The following LRP12 variants were observed in gnomAD, a reference collection of about 807,000 sequenced individuals.
LRP12 encodes the protein LDL receptor related protein 12, also known as low-density lipoprotein receptor-related protein 12.
LRP12 carries 14 observed loss-of-function variants against 66.0 expected under a neutral mutation model. The ratio of observed to expected loss-of-function variants is 0.21; its 90% CI spans 0.14 to 0.33. The LOEUF (loss-of-function observed/expected upper bound fraction) is 0.33. LRP12 is among the 10% of genes least tolerant of loss of function. The pLI is 1.00. For missense variants in LRP12, 889 were observed against 1,053.4 expected (o/e 0.84, Z 2.16); for synonymous variants, 357 against 359.1 (o/e 0.99, Z 0.07).
chr8:104,504,436 A>T (rs966089313), intron 3 of LRP12: 1 of 152,266 alleles, frequency 6.6e-6, no homozygotes, highest in South Asian at 2.1e-4. Flanking sequence ...AAATCAATGC[A>T]TTAAAGTTGT....
chr8:104,585,837 G>C (rs967980366), intron 1 of LRP12, among the ~76,000 whole-genome samples: 1 of 152,194 alleles, frequency 6.6e-6, no homozygotes, highest in African/African-American at 2.4e-5. Flanking sequence ...GGAACTGTCA[G>C]AATTACCAAA....
chr8:104,500,430 G>A (rs1442777540), intron 3 of LRP12, among the ~76,000 whole-genome samples: 6 of 152,268 alleles, frequency 3.9e-5, no homozygotes, highest in South Asian at 2.1e-4. Flanking sequence ...ACTCCTGGCC[G>A]GGCATGGTGG....
At chr8:104,499,253 C>T in intron 4 of LRP12, 64 bp downstream of exon 4, 6 of 1,272,234 alleles carry the variant, frequency 4.7e-6, no homozygotes, top group South Asian at 1.4e-5. Context: ...AGATTAGCTC[C>T]GAAGTGACAG....
chr8:104,583,567 T>C (rs1564150936), intron 1 of LRP12, among the ~76,000 whole-genome samples: 1 of 152,186 alleles, frequency 6.6e-6, no homozygotes. Context: ...CATTAGACTA[T>C]AAGCTCCATG....
chr8:104,584,332 T>C (rs185727250), intron 1 of LRP12, among the ~76,000 whole-genome samples: 41 of 152,068 alleles, frequency 2.7e-4, no homozygotes, highest in East Asian at 2.5e-3. Context: ...ATATTTCATA[T>C]ATATTTTTAC....
chr8:104,510,943 G>T (rs1167345071), intron 2 of LRP12, among the ~76,000 whole-genome samples: 3 of 150,142 alleles, frequency 2.0e-5, no homozygotes, highest in South Asian at 4.2e-4. Flanking sequence ...GCACTCCCAT[G>T]CTTTTTAAGT....
At position 104,491,170 on chromosome 8, in the gene LRP12, A is replaced by T; in HGVS notation, c.2083T>A (p.Ser695Thr). ...CCACCTCGGGTACTCTGAGTTGAGG[A>T]ACTTGCACATGCTCCTACTGTCGCT... The part of the protein sequence containing the change: ...VEATVGACAS[S>T]STQSTRGGHA... The change falls in exon 7 of 7, where the codon TCC becomes ACC. Residue 695 changes from serine to threonine, a missense_variant. Physicochemically the swap from Ser to Thr is moderately conservative, Grantham distance 58. Coordinates refer to ENST00000276654, the MANE Select transcript of LRP12 (RefSeq NM_013437.5). 1.9e-6 allele frequency: 3 copies of T among 1,614,048 alleles called. No individual in the cohort carries two copies. The highest frequency in any genetic ancestry group is 2.5e-6 in the Non-Finnish European group (3 of 1,180,020).
intron 1 of LRP12, among the ~76,000 whole-genome samples, chr8:104,555,381 T>A (rs1413390106): frequency 6.6e-6 from 1 of 152,072 alleles, no homozygotes; most frequent in East Asian, 1.9e-4. Flanking sequence ...AATGCCAGAA[T>A]AGATAAGAAT....
chr8:104,531,881 T>C, intron 2 of LRP12, 26 bp downstream of exon 2: 3 of 1,510,778 alleles, frequency 2.0e-6, no homozygotes, highest in Admixed American at 3.8e-5. Context: ...ATGCATGAAA[T>C]TTAAACATTA....
At chr8:104,542,250 T>C (rs1463858226) in intron 1 of LRP12, among the ~76,000 whole-genome samples, 1 of 152,206 alleles carries the variant, frequency 6.6e-6, no homozygotes, top group Non-Finnish European at 1.5e-5. Flanking sequence ...TGAGTAATAA[T>C]GTGGCTCTTT....
rs2140833176 is a variant in LRP12 at position 104,497,908 on chromosome 8, C to T, written c.644G>A (p.Cys215Tyr). 6.2e-7 allele frequency: 1 copy of T among 1,614,164 alleles called. No individual in the cohort carries two copies. Among genetic ancestry groups the T allele is most frequent in the Non-Finnish European group, 8.5e-7 (1 of 1,180,038 alleles). ...TAAACACTGGAACTGGTTGTAAGCACAGGGTTGAAAAGCAGCAGCAGTTGG... is the reference window on the plus strand; with the variant it reads ...TAAACACTGGAACTGGTTGTAAGCATAGGGTTGAAAAGCAGCAGCAGTTGG... Reference protein sequence around the residue: ...NPPTAAAFQPCAYNQFQCLSR... With the variant: ...NPPTAAAFQPYAYNQFQCLSR... The change falls in exon 5 of 7, where the codon TGT (cysteine) becomes TAT (tyrosine). Residue 215 changes from cysteine to tyrosine, a missense_variant. By Grantham distance (194) the Cys-to-Tyr change is radical (BLOSUM62 -2). Transcript: ENST00000276654. This position sits in a 1 kb window ranked among gnomAD's most constrained non-coding sequence, Gnocchi z 4.3.
At chr8:104,586,871 G>C (rs1249728019) in intron 1 of LRP12, among the ~76,000 whole-genome samples, 1 of 151,804 alleles carries the variant, frequency 6.6e-6, no homozygotes, top group Non-Finnish European at 1.5e-5. Context: ...GCTGTGGCTT[G>C]AGACATCAAC....
Position 104,497,084 on chromosome 8 carries a change from G to A in LRP12, c.1468C>T (p.Pro490Ser). Residue 490 changes from proline to serine, a missense_variant, in exon 5 of 7, where the codon CCT becomes TCT. Transcript: ENST00000276654. This position sits in a 1 kb window ranked among gnomAD's most constrained non-coding sequence, Gnocchi z 4.3. ...SDEENCPVIV[P>S]TRVITAAVIG... ...ACGGCAGCAGTGATGACTCTTGTAG[G>A]CACGATTACTGGGCAATTTTCTTCA... is the stretch of plus-strand genomic sequence containing the variant. 2 of 1,613,516 alleles carry A rather than the reference G, an allele frequency of 1.2e-6. No individual in the cohort carries two copies. Among genetic ancestry groups the A allele is most frequent in the Non-Finnish European group, 1.7e-6 (2 of 1,179,652 alleles).
At chr8:104,586,921 C>T (rs1367789679) in intron 1 of LRP12, among the ~76,000 whole-genome samples, 1 of 152,058 alleles carries the variant, frequency 6.6e-6, no homozygotes, top group Admixed American at 6.5e-5. Context: ...ATCTGCGGCC[C>T]ACACTGTTGG....
At chr8:104,537,315 C>T (rs1056494790) in intron 1 of LRP12, among the ~76,000 whole-genome samples, 6 of 151,996 alleles carry the variant, frequency 3.9e-5, no homozygotes, top group Non-Finnish European at 8.8e-5. Context: ...TTTAAGACAA[C>T]AACACAAAAA....
chr8:104,578,120 T>C (rs1333404925), intron 1 of LRP12, among the ~76,000 whole-genome samples: 1 of 151,786 alleles, frequency 6.6e-6, no homozygotes, highest in Admixed American at 6.6e-5. Flanking sequence ...AGCTGGTTTT[T>C]TTTTTGAAAA....
chr8:104,512,736 C>A (rs1811016701), intron 2 of LRP12, among the ~76,000 whole-genome samples: 2 of 152,084 alleles, frequency 1.3e-5, no homozygotes, highest in Admixed American at 6.5e-5. Context: ...ATAGGTGGTG[C>A]TCTTATACCA....
chr8:104,526,558 C>T lies in LRP12; in HGVS notation c.136+5349G>A, dbSNP rs1195909425. Among the ~76,000 whole-genome samples, 138 of 145,276 alleles carry T rather than the reference C, an allele frequency of 9.5e-4. 2 individuals carry two copies. Among genetic ancestry groups the T allele is most frequent in the African/African-American group, 3.4e-3 (129 of 37,568 alleles). On this transcript the variant is annotated intron_variant, in intron 2 of 6. Transcript: ENST00000276654. ...CTACAACTATCTGATCTTTGACAAA[C>T]CTGAGAAAAACAAGCAATGGGGAAA...
chr8:104,581,811 T>C (rs1276764352), intron 1 of LRP12, among the ~76,000 whole-genome samples: 1 of 152,176 alleles, frequency 6.6e-6, no homozygotes, highest in Admixed American at 6.5e-5. Flanking sequence ...TAGGCAAAAC[T>C]ACTATTCTCA....
Sources: gnomAD v4.1 joint callset for allele counts (sites outside exome capture counted in the v4.1 genomes callset) on GRCh38, gnomAD v4.1.1 for gene constraint, Gnocchi (gnomAD v3.1) non-coding constraint, MANE v1.5 for transcripts, NCBI Gene and HGNC (gene_info 2026-07-23, HGNC 2026-07-21) for gene names.